The following MACROD2 variants were observed in gnomAD, a reference collection of about 807,000 sequenced individuals.
MACROD2 encodes the protein mono-ADP ribosylhydrolase 2.
Under a neutral mutation model 70.4 loss-of-function variants are expected in MACROD2, and 36 were observed. The observed-to-expected ratio is 0.51, with a 90% CI of 0.39 to 0.68. The LOEUF (loss-of-function observed/expected upper bound fraction) is 0.68, where lower values mean the gene tolerates loss of function less well. Among genes scored for constraint, MACROD2 ranks in the 30% least tolerant of loss-of-function variants. The probability of loss-of-function intolerance (pLI) is 0.00; values close to 1 mark genes in which losing one functional copy is unlikely to be tolerated. For missense variants in MACROD2, 496 were observed against 538.4 expected (o/e 0.92, Z 0.78); for synonymous variants, 172 against 178.8 (o/e 0.96, Z 0.30).
chr20:15,885,822 C>T lies in MACROD2; in HGVS notation c.775+11C>T. On this transcript the variant is annotated intron_variant, in intron 10 of 17. Transcript: ENST00000684519. ...TGAAAGAAGATTCAGGTATTAAATTCATACTTTTATTATTAGGGGGTAGGT... is the reference window on the plus strand; with the variant it reads ...TGAAAGAAGATTCAGGTATTAAATTTATACTTTTATTATTAGGGGGTAGGT... The T allele has an allele frequency of 6.7e-7, 1 of 1,496,172 alleles. No homozygotes were observed. The highest frequency in any genetic ancestry group is 8.9e-7 in the Non-Finnish European group (1 of 1,123,470). 92.7% of individuals were successfully genotyped at this position (1,496,172 alleles called of 1,614,324 possible).
At chr20:14,684,698 GA>G in intron 4 of MACROD2, 144 bp from the exon 5 acceptor site, 1 of 486,956 alleles carries the variant, frequency 2.1e-6, no homozygotes, top group Admixed American at 3.1e-5. Flanking sequence ...GCTAGTGTTT[GA>G]AACATTGGAC....
At chr20:15,028,364 G>A (rs541361546) in intron 5 of MACROD2, among the ~76,000 whole-genome samples, 1 of 152,300 alleles carries the variant, frequency 6.6e-6, no homozygotes, top group South Asian at 2.1e-4. Context: ...AGAGTGGAGT[G>A]AGGAACAATG....
chr20:14,417,433 A>G (rs1391265579), intron 3 of MACROD2, among the ~76,000 whole-genome samples: 1 of 152,170 alleles, frequency 6.6e-6, no homozygotes, highest in African/African-American at 2.4e-5. Flanking sequence ...TAGGAAAGTC[A>G]ATGCTTACCT....
chr20:15,315,318 G>T (rs1336202382), intron 6 of MACROD2, among the ~76,000 whole-genome samples: 1 of 152,128 alleles, frequency 6.6e-6, no homozygotes, highest in African/African-American at 2.4e-5. Context: ...TATTTGGTAA[G>T]ATGTAAAAAT....
At chr20:14,265,202 A>G (rs1378557078) in intron 3 of MACROD2, among the ~76,000 whole-genome samples, 1 of 152,194 alleles carries the variant, frequency 6.6e-6, no homozygotes, top group Non-Finnish European at 1.5e-5. Context: ...CTACAGATGC[A>G]TTTCCAAGTA....
rs1013881398 is a variant in MACROD2 at position 15,269,929 on chromosome 20, C to A, written c.540+39868C>A. On this transcript the variant is annotated intron_variant, in intron 6 of 17. Transcript: ENST00000684519. ...TATTAGGCCCCCTGTAGGATAATAA[C>A]ACCTTAAGCTCTGGTCTCATTTAGG... 2.0e-5 allele frequency among the ~76,000 whole-genome samples: 3 copies of A among 152,260 alleles called. No individual in the cohort carries two copies. The South Asian group carries it at 6.2e-4, about 32-fold the overall frequency.
chr20:15,654,012 T>C (rs931230305), intron 8 of MACROD2, among the ~76,000 whole-genome samples: 1 of 149,114 alleles, frequency 6.7e-6, no homozygotes, highest in Admixed American at 6.6e-5. Context: ...GGGCAGAGTT[T>C]GGATAAGCAT....
chr20:14,578,562 C>A (rs1268933218), intron 4 of MACROD2, among the ~76,000 whole-genome samples: 1 of 151,700 alleles, frequency 6.6e-6, no homozygotes, highest in African/African-American at 2.4e-5. Flanking sequence ...CTTCATTCCT[C>A]CTTTTACATT....
intron 5 of MACROD2, among the ~76,000 whole-genome samples, chr20:14,824,480 T>G (rs2072880712): frequency 6.6e-6 from 1 of 152,068 alleles, no homozygotes; most frequent in African/African-American, 2.4e-5. Flanking sequence ...TCAGATGGGA[T>G]AGCTCACCTG....
chr20:14,135,870 A>C (rs2054789135), intron 3 of MACROD2, among the ~76,000 whole-genome samples: 1 of 152,186 alleles, frequency 6.6e-6, no homozygotes, highest in Non-Finnish European at 1.5e-5. Context: ...ATCTCTGAAA[A>C]ACTTTCAGTT....
intron 5 of MACROD2, among the ~76,000 whole-genome samples, chr20:14,912,861 C>T (rs566517803): frequency 1.1e-4 from 16 of 152,314 alleles, no homozygotes; most frequent in Non-Finnish European, 2.2e-4. Context: ...CAGGATCTCA[C>T]TGTGGGGGCT....
chr20:15,675,567 G>A (rs2050046015), intron 8 of MACROD2, among the ~76,000 whole-genome samples: 1 of 152,062 alleles, frequency 6.6e-6, no homozygotes, highest in Non-Finnish European at 1.5e-5. Flanking sequence ...CCTTTTAAAG[G>A]CATTTTGAAA....
intron 2 of MACROD2, among the ~76,000 whole-genome samples, chr20:14,048,855 T>C (rs990646918): frequency 1.3e-5 from 2 of 152,212 alleles, no homozygotes; most frequent in African/African-American, 4.8e-5. Flanking sequence ...TGAGAAAATA[T>C]TCCTGATATA....
At chr20:15,172,485 C>T (rs995994027) in intron 5 of MACROD2, among the ~76,000 whole-genome samples, 11 of 152,170 alleles carry the variant, frequency 7.2e-5, no homozygotes, top group Non-Finnish European at 1.3e-4. Flanking sequence ...CTCCTGGGCT[C>T]GAGCTATCCT....
chr20:15,268,392 C>T (rs1331408643), intron 6 of MACROD2, among the ~76,000 whole-genome samples: 1 of 152,206 alleles, frequency 6.6e-6, no homozygotes, highest in Non-Finnish European at 1.5e-5. Context: ...TGGCTCACGC[C>T]TGTAATCCCA....
At chr20:15,525,764 A>C (rs2047713191) in intron 8 of MACROD2, among the ~76,000 whole-genome samples, 1 of 152,150 alleles carries the variant, frequency 6.6e-6, no homozygotes, top group Non-Finnish European at 1.5e-5. Context: ...TCCTTTTATC[A>C]TCCTTTTTGG....
intron 4 of MACROD2, among the ~76,000 whole-genome samples, chr20:14,532,132 A>G (rs1174160107): frequency 6.6e-6 from 1 of 152,146 alleles, no homozygotes; most frequent in Admixed American, 6.5e-5. Flanking sequence ...GCTGAAGGAC[A>G]ATAGCAGTAT....
In MACROD2 at chr20:15,065,623, T is replaced by C. The variant is rs1030980037; in HGVS notation, c.419-164317T>C. Among the ~76,000 whole-genome samples the C allele has an allele frequency of 2.6e-4, 37 of 141,550 alleles. No individual in the cohort carries two copies. In the East Asian group the frequency reaches 5.4e-3, roughly 21 times the overall value. 92.9% of individuals were successfully genotyped at this position (141,550 alleles called of 152,430 possible). A position where few individuals can be genotyped will look rare whatever the true frequency, so the allele number is the denominator to read the frequency against. ...GAGCCAAGATCGCGCCACTGCACTC[T>C]AGCCTGGGCGACAGAGCGAGACTCC... On this transcript the variant is annotated intron_variant, in intron 5 of 17. Coordinates refer to ENST00000684519, the MANE Select transcript of MACROD2 (RefSeq NM_001351661.2).
At chr20:14,604,378 AT>A (rs1982672615) in intron 4 of MACROD2, among the ~76,000 whole-genome samples, 1 of 152,066 alleles carries the variant, frequency 6.6e-6, no homozygotes, top group Non-Finnish European at 1.5e-5. Context: ...TTCACTATTG[AT>A]TTTTTTGCTC....
Sources: gnomAD v4.1 joint callset for allele counts (sites outside exome capture counted in the v4.1 genomes callset) on GRCh38, gnomAD v4.1.1 for gene constraint, MANE v1.5 for transcripts, NCBI Gene and HGNC (gene_info 2026-07-23, HGNC 2026-07-21) for gene names.